LOXL2: variants seen among roughly 807,000 people sequenced by gnomAD.
LOXL2 encodes lysyl oxidase homolog 2.
Under a neutral mutation model 93.0 loss-of-function variants are expected in LOXL2, and 70 were observed. The ratio of observed to expected loss-of-function variants is 0.75; its 90% confidence interval spans 0.62 to 0.92. The LOEUF (loss-of-function observed/expected upper bound fraction) is 0.92. Ranked by LOEUF, LOXL2 falls within the 40% of genes least tolerant of loss-of-function variation. The pLI is 0.00. For synonymous variants in LOXL2, 438 were observed against 413.2 expected, an observed-to-expected ratio of 1.06 and a Z score of -0.73; for missense variants, 973 against 1,054.9, an observed-to-expected ratio of 0.92 and a Z score of 1.08.
chr8:23,378,937 G>C lies in LOXL2; in HGVS notation c.-83-10503C>G, dbSNP rs185110390. On this transcript the variant is annotated intron_variant, in intron 1 of 13. Coordinates refer to ENST00000389131, the MANE Select transcript of LOXL2 (RefSeq NM_002318.3). Reference sequence around the variant, plus strand: ...GTCTGAAGCCTTCTTCTCTCAACTTGTCAGTCATTCTCTGTCCAGCTTTGT... The same window carrying C: ...GTCTGAAGCCTTCTTCTCTCAACTTCTCAGTCATTCTCTGTCCAGCTTTGT... 7.5e-4 allele frequency among the ~76,000 whole-genome samples: 114 copies of C among 152,266 alleles called. 1 individual carries two copies. The highest frequency in any genetic ancestry group is 1.0e-3 in the South Asian group (5 of 4,816).
At chr8:23,385,971 G>A (rs753116520) in intron 1 of LOXL2, 1 of 765,136 alleles carries the variant, frequency 1.3e-6, no homozygotes, top group Non-Finnish European at 2.4e-6. Flanking sequence ...GGCCCCATAT[G>A]GTGGTGGCTG....
intron 6 of LOXL2, among the ~76,000 whole-genome samples, chr8:23,323,669 TATA>T (rs33980052): frequency 0.14 from 20,794 of 150,790 alleles, 2,622 homozygotes; most frequent in African/African-American, 0.33. Context: ...GCCAATTAAT[TATA>T]ATATGTGTTT....
chr8:23,328,145 G>T (rs1422182246), intron 6 of LOXL2, among the ~76,000 whole-genome samples: 1 of 152,096 alleles, frequency 6.6e-6, no homozygotes, highest in Non-Finnish European at 1.5e-5. Flanking sequence ...ATCTCACCTT[G>T]GATGTTTACT....
Position 23,333,634 on chromosome 8 carries a change from TG to T in LOXL2, c.744-12del. On this transcript the variant is annotated splice_polypyrimidine_tract_variant and intron_variant, in intron 4 of 13. Transcript: ENST00000389131. ...CGTGAGGCAAACATTCTGCAGACGA[TG>T]GGAGGGGACAGGGGACCAGGGCATC... is the stretch of plus-strand genomic sequence containing the variant. 2 of 1,608,466 alleles carry T rather than the reference TG, an allele frequency of 1.2e-6. No homozygotes were observed. Among genetic ancestry groups the T allele is most frequent in the Non-Finnish European group, 1.7e-6 (2 of 1,176,014 alleles).
chr8:23,328,585 TGCTGAGTACAGAC>T lies in LOXL2; in HGVS notation c.967-33_967-21del. ...GGGTTGCTGAAGAGACACACGGTCC[TGCTGAGTACAGAC>T]GCTGATGCACGTTCAGCGGGTGACC... On this transcript the variant is annotated intron_variant, in intron 5 of 13. Transcript: ENST00000389131. 1 of 1,612,466 alleles carries T rather than the reference TGCTGAGTACAGAC, an allele frequency of 6.2e-7. No individual in the cohort carries two copies. The highest frequency in any genetic ancestry group is 8.5e-7 in the Non-Finnish European group (1 of 1,179,494).
At chr8:23,327,243 TAGA>T (rs1231727321) in intron 6 of LOXL2, among the ~76,000 whole-genome samples, 3 of 152,178 alleles carry the variant, frequency 2.0e-5, no homozygotes, top group African/African-American at 4.8e-5. Context: ...GCTCCACTTC[TAGA>T]AGGAGGAAAG....
chr8:23,315,081 G>A (rs1803373198), intron 9 of LOXL2, among the ~76,000 whole-genome samples: 1 of 152,156 alleles, frequency 6.6e-6, no homozygotes, highest in South Asian at 2.1e-4. Context: ...GGGGAGGGGA[G>A]AGGAGGGGAA....
intron 3 of LOXL2, among the ~76,000 whole-genome samples, chr8:23,346,728 T>C (rs1231261326): frequency 6.6e-6 from 1 of 152,222 alleles, no homozygotes; most frequent in East Asian, 1.9e-4. Context: ...ACAGTCGCTC[T>C]AAACTCTCAG....
At chr8:23,350,136 T>C (rs1005887050) in intron 3 of LOXL2, among the ~76,000 whole-genome samples, 7 of 152,162 alleles carry the variant, frequency 4.6e-5, no homozygotes, top group African/African-American at 1.7e-4. Context: ...TGAACTGAAT[T>C]AAAAGCCGTC....
chr8:23,373,427 T>G (rs921817505), intron 1 of LOXL2, among the ~76,000 whole-genome samples: 1 of 152,156 alleles, frequency 6.6e-6, no homozygotes. Flanking sequence ...CCTCGAACTC[T>G]TGAGCCCAAG....
intron 1 of LOXL2, among the ~76,000 whole-genome samples, chr8:23,400,257 A>C (rs1184760258): frequency 6.6e-6 from 1 of 152,178 alleles, no homozygotes; most frequent in African/African-American, 2.4e-5. Flanking sequence ...GTACTTTGTA[A>C]AGGGAGGAGG....
chr8:23,330,368 C>CA (rs952200718), intron 5 of LOXL2, among the ~76,000 whole-genome samples: 10 of 151,192 alleles, frequency 6.6e-5, no homozygotes, highest in Admixed American at 3.3e-4. Context: ...CAAAATAAAA[C>CA]AAAAAAAATC....
At chr8:23,375,556 T>C (rs970356714) in intron 1 of LOXL2, among the ~76,000 whole-genome samples, 22 of 152,242 alleles carry the variant, frequency 1.4e-4, no homozygotes, top group African/African-American at 5.3e-4. Context: ...ATTTTCACGT[T>C]ATTGATTCTT....
At chr8:23,308,612 C>T (rs189993703) in intron 10 of LOXL2, among the ~76,000 whole-genome samples, 1 of 152,212 alleles carries the variant, frequency 6.6e-6, no homozygotes, top group Non-Finnish European at 1.5e-5. Flanking sequence ...CATACAGAGA[C>T]AGCAGGCTCT....
intron 1 of LOXL2, among the ~76,000 whole-genome samples, chr8:23,378,342 A>T (rs1804624364): frequency 6.6e-6 from 1 of 152,088 alleles, no homozygotes; most frequent in Non-Finnish European, 1.5e-5. Flanking sequence ...TTTGTGGGTA[A>T]CCTGACCTTT....
rs79248572 is a variant in LOXL2 at position 23,335,647 on chromosome 8, C to T, written c.744-2024G>A. The stretch of plus-strand genomic sequence containing the variant: ...CATGTCGACCCAGCTTTTCAGGGCC[C>T]GTGTGCTTGTCCCTGCACGGCAGGA... On this transcript the variant is annotated intron_variant, in intron 4 of 13. Coordinates refer to ENST00000389131, the MANE Select transcript of LOXL2 (RefSeq NM_002318.3). Among the ~76,000 whole-genome samples the T allele has an allele frequency of 1.2e-3, 183 of 152,162 alleles. 1 individual carries two copies. Among genetic ancestry groups the T allele is most frequent in the African/African-American group, 4.3e-3 (177 of 41,514 alleles).
intron 4 of LOXL2, 152 bp downstream of exon 4, chr8:23,340,840 C>T (rs568922973): frequency 1.6e-5 from 11 of 700,756 alleles, no homozygotes; most frequent in African/African-American, 1.1e-4. Context: ...GCGCCTGGCC[C>T]GGCCCAGGGG....
intron 9 of LOXL2, chr8:23,316,745 T>G: frequency 1.8e-6 from 1 of 550,372 alleles, no homozygotes; most frequent in Admixed American, 3.7e-5. Context: ...TCCCTCCCGC[T>G]TTTCTCCCCA....
chr8:23,340,850 G>T, intron 4 of LOXL2, 142 bp downstream of exon 4: 1 of 752,258 alleles, frequency 1.3e-6, no homozygotes, highest in Non-Finnish European at 2.3e-6. Context: ...CGGCCCAGGG[G>T]CTCTGTGCAG....
Sources: allele counts gnomAD v4.1 joint callset (sites outside exome capture counted in the v4.1 genomes callset), GRCh38; gene constraint gnomAD v4.1.1; transcripts MANE v1.5; gene names NCBI Gene and HGNC (gene_info 2026-07-23, HGNC 2026-07-21).